The following IGDCC3 variants were observed in gnomAD, a reference collection of about 807,000 sequenced individuals.
The protein encoded by IGDCC3 is putative neuronal cell adhesion molecule.
A neutral mutation model predicts 72.0 loss-of-function variants in IGDCC3; 47 were observed. That is an observed-to-expected ratio of 0.65 (90% confidence interval 0.52 to 0.83). The LOEUF (loss-of-function observed/expected upper bound fraction) is 0.83, where lower values mean the gene tolerates loss of function less well. Among genes scored for constraint, IGDCC3 ranks in the 40% least tolerant of loss-of-function variants. The pLI is 0.00. For missense variants in IGDCC3, 1,038 were observed against 1,091.3 expected (o/e 0.95, Z 0.69); for synonymous variants, 477 against 472.8 (o/e 1.01, Z -0.11).
Position 65,339,899 on chromosome 15 carries a change from T to C in IGDCC3, c.410-3943A>G, listed in dbSNP as rs2091064617. Among the ~76,000 whole-genome samples, 2 of 151,980 alleles carry C rather than the reference T, an allele frequency of 1.3e-5. No homozygotes were observed. Among genetic ancestry groups the C allele is most frequent in the African/African-American group, 2.4e-5 (1 of 41,342 alleles). On this transcript the variant is annotated intron_variant, in intron 2 of 13. Transcript: ENST00000327987. This position sits in a 1 kb window ranked among gnomAD's most constrained non-coding sequence, Gnocchi z 4.1. ...AAGTTGGGTGATGGGAAGGGGGTGATGGGCAATGGTCTTCCAGGTGTGAGG... is the reference window on the plus strand; with the variant it reads ...AAGTTGGGTGATGGGAAGGGGGTGACGGGCAATGGTCTTCCAGGTGTGAGG...
intron 8 of IGDCC3, 39 bp from the exon 9 acceptor site, chr15:65,331,253 T>C (rs771246544): frequency 1.2e-6 from 2 of 1,605,854 alleles, no homozygotes; most frequent in South Asian, 1.1e-5. Context: ...TGTGAAGGAC[T>C]GGGGGAGTCC....
intron 6 of IGDCC3, among the ~76,000 whole-genome samples, chr15:65,333,023 G>A (rs1336842561): frequency 7.0e-6 from 1 of 142,958 alleles, no homozygotes; most frequent in Non-Finnish European, 1.5e-5. Context: ...TGACGGACCC[G>A]GAGGGCACGC....
chr15:65,354,264 G>C (rs753194706), intron 2 of IGDCC3, among the ~76,000 whole-genome samples: 5 of 151,976 alleles, frequency 3.3e-5, no homozygotes, highest in Non-Finnish European at 5.9e-5. Flanking sequence ...ATTTTTTCTT[G>C]AGTGAGATCA....
chr15:65,353,994 C>A (rs907655667), intron 2 of IGDCC3, among the ~76,000 whole-genome samples: 1 of 152,146 alleles, frequency 6.6e-6, no homozygotes, highest in East Asian at 1.9e-4. Context: ...CAACCTCCAC[C>A]TCCCTGCTTC....
chr15:65,377,594 T>A lies in IGDCC3; in HGVS notation c.103+92A>T. 8.1e-7 allele frequency: 1 copy of A among 1,234,180 alleles called. No homozygotes were observed. Among genetic ancestry groups the A allele is most frequent in the Non-Finnish European group, 1.0e-6 (1 of 972,866 alleles). 76.5% of individuals were successfully genotyped at this position (1,234,180 alleles called of 1,614,324 possible). ...GTCCGCCCTCAGGTCCGCGCCGCTC[T>A]CCCCGGGTCCGCCCCTCGCGCCCGC... On this transcript the variant is annotated intron_variant, in intron 1 of 13. Coordinates refer to ENST00000327987, the MANE Select transcript of IGDCC3 (RefSeq NM_004884.4). This position sits in a 1 kb window ranked among gnomAD's most constrained non-coding sequence, Gnocchi z 4.9.
At chr15:65,343,704 C>T (rs949616970) in intron 2 of IGDCC3, among the ~76,000 whole-genome samples, 3 of 152,232 alleles carry the variant, frequency 2.0e-5, no homozygotes, top group African/African-American at 7.2e-5. Context: ...ACCGGAGCCA[C>T]CAGGAAGAGT....
In IGDCC3 at chr15:65,329,671, C is replaced by G; in HGVS notation, c.1997+55G>C. 6.2e-7 allele frequency: 1 copy of G among 1,612,892 alleles called. No individual in the cohort carries two copies. The highest frequency in any genetic ancestry group is 8.5e-7 in the Non-Finnish European group (1 of 1,179,184). On this transcript the variant is annotated intron_variant, in intron 12 of 13. Transcript: ENST00000327987. The surrounding 1 kb of genome is among the most constrained non-coding windows in gnomAD (Gnocchi z 4.1). ...GGCAGTGAGCCCACACTCACCTTCT[C>G]TAGGCCTAGTCCCCCACACACCAGC...
At chr15:65,333,136 C>T (rs975823028) in intron 6 of IGDCC3, 121 bp downstream of exon 6, 15 of 966,174 alleles carry the variant, frequency 1.6e-5, no homozygotes, top group South Asian at 6.2e-5. Flanking sequence ...CGGTGAGGGG[C>T]GAGGGGCAGG....
intron 2 of IGDCC3, among the ~76,000 whole-genome samples, chr15:65,365,535 C>A (rs1376791700): frequency 6.6e-6 from 1 of 152,126 alleles, no homozygotes; most frequent in Non-Finnish European, 1.5e-5. Context: ...CAGAGACAGG[C>A]CCCAACCAGG....
At chr15:65,371,874 A>T (rs144487886) in intron 2 of IGDCC3, among the ~76,000 whole-genome samples, 1 of 152,296 alleles carries the variant, frequency 6.6e-6, no homozygotes, top group African/African-American at 2.4e-5. Context: ...AGGGTCTCAC[A>T]GGCCAGGCCA....
chr15:65,336,505 C>T (rs542652890), intron 2 of IGDCC3, among the ~76,000 whole-genome samples: 4 of 152,078 alleles, frequency 2.6e-5, no homozygotes, highest in Admixed American at 1.3e-4. Flanking sequence ...TACCAGGGCC[C>T]GGGAGCTTTT....
rs141149318 is a variant in IGDCC3, at chr15:65,349,542, C to T, written c.410-13586G>A. ...GTGCTATGAATTCGTTTTTCTGTGT[C>T]GAGGGGGTACTTCAGGATAAAACAT... On this transcript the variant is annotated intron_variant, in intron 2 of 13. Transcript: ENST00000327987. Among the ~76,000 whole-genome samples the T allele has an allele frequency of 4.8e-3, 737 of 152,228 alleles. 5 individuals carry two copies. The highest frequency in any genetic ancestry group is 0.016 in the African/African-American group (681 of 41,526).
At chr15:65,365,600 C>G (rs1370610965) in intron 2 of IGDCC3, among the ~76,000 whole-genome samples, 1 of 152,124 alleles carries the variant, frequency 6.6e-6, no homozygotes, top group Non-Finnish European at 1.5e-5. Context: ...CCAGAGAGCC[C>G]CTGACTTGCT....
chr15:65,342,143 T>C (rs988067870), intron 2 of IGDCC3, among the ~76,000 whole-genome samples: 1 of 150,678 alleles, frequency 6.6e-6, no homozygotes, highest in Non-Finnish European at 1.5e-5. Flanking sequence ...TCCCAGCATT[T>C]TGGGAGGCCG....
intron 1 of IGDCC3, among the ~76,000 whole-genome samples, chr15:65,375,802 C>T (rs1030052359): frequency 6.6e-6 from 1 of 152,184 alleles, no homozygotes; most frequent in South Asian, 2.1e-4. Flanking sequence ...TGAAGCCTCA[C>T]AGACCTTCAG....
chr15:65,347,033 T>C (rs1440195130), intron 2 of IGDCC3, among the ~76,000 whole-genome samples: 1 of 152,162 alleles, frequency 6.6e-6, no homozygotes, highest in Non-Finnish European at 1.5e-5. Context: ...TGTGTGTCTC[T>C]GCCAGTGTCA....
chr15:65,349,716 G>A (rs1426849025), intron 2 of IGDCC3, among the ~76,000 whole-genome samples: 1 of 152,134 alleles, frequency 6.6e-6, no homozygotes, highest in Non-Finnish European at 1.5e-5. Context: ...TTTTAACCAC[G>A]TGGCAGTACT....
chr15:65,333,373 G>T lies in IGDCC3; in HGVS notation c.866C>A (p.Thr289Lys). 6.2e-7 allele frequency: 1 copy of T among 1,611,298 alleles called. No individual in the cohort carries two copies. Among genetic ancestry groups the T allele is most frequent in the Non-Finnish European group, 8.5e-7 (1 of 1,178,736 alleles). The change falls in exon 6 of 14, where the codon ACA becomes AAA. Residue 289 changes from threonine to lysine, a missense_variant. By Grantham distance (78) the Thr-to-Lys change is moderately conservative (BLOSUM62 -1). Transcript: ENST00000327987. ...IGVEGIQVLG[T>K]GNLIISDVTV... ...CACGTCTGAGATGATGAGGTTTCCTGTGCCCAGCACCTGGATGCCCTCCAC... is the reference window on the plus strand; with the variant it reads ...CACGTCTGAGATGATGAGGTTTCCTTTGCCCAGCACCTGGATGCCCTCCAC...
chr15:65,329,392 T>C lies in IGDCC3; in HGVS notation c.2203A>G (p.Thr735Ala). ...SAAGQPDPRP[T>A]QDPAAPAPCE... ...TTGTTTAAGACATGGGCACTCACTGTGGGTCTGGGGTCCGGCTGCCCTGCT... is the reference window on the plus strand; with the variant it reads ...TTGTTTAAGACATGGGCACTCACTGCGGGTCTGGGGTCCGGCTGCCCTGCT... Residue 735 changes from threonine (T) to alanine (A), a missense_variant and splice_region_variant, in exon 13 of 14, where the codon ACA becomes GCA. Transcript: ENST00000327987. The surrounding 1 kb of genome is among the most constrained non-coding windows in gnomAD (Gnocchi z 4.1). 1 of 1,583,800 alleles carries C rather than the reference T, an allele frequency of 6.3e-7. No homozygotes were observed. The highest frequency in any genetic ancestry group is 8.6e-7 in the Non-Finnish European group (1 of 1,169,310).
Sources: allele counts gnomAD v4.1 joint callset (sites outside exome capture counted in the v4.1 genomes callset), GRCh38; gene constraint gnomAD v4.1.1; non-coding constraint Gnocchi (gnomAD v3.1); transcripts MANE v1.5; gene names NCBI Gene and HGNC (gene_info 2026-07-23, HGNC 2026-07-21).